Variants in ZXDC observed in about 807,000 individuals in gnomAD.
The protein encoded by ZXDC is zinc finger protein ZXDC.
ZXDC carries 58 observed loss-of-function variants against 63.6 expected under a neutral mutation model. That is an observed-to-expected ratio of 0.91 (90% CI 0.74 to 1.13). The LOEUF is 1.13. ZXDC is among the 50% of genes most tolerant of loss of function. The probability of loss-of-function intolerance (pLI) is 0.00; values close to 1 mark genes in which losing one functional copy is unlikely to be tolerated. For missense variants in ZXDC, 1,133 were observed against 1,148.9 expected, an observed-to-expected ratio of 0.99 and a Z score of 0.20; for synonymous variants, 561 against 496.1, an observed-to-expected ratio of 1.13 and a Z score of -1.74.
chr3:126,459,779 A>T lies in ZXDC; in HGVS notation c.2128-42T>A. The T allele has an allele frequency of 2.5e-6, 4 of 1,614,022 alleles. No individual in the cohort carries two copies. In the South Asian group the frequency reaches 4.4e-5, roughly 18 times the overall value. On this transcript the variant is annotated intron_variant, in intron 6 of 9. Coordinates refer to ENST00000389709, the MANE Select transcript of ZXDC (RefSeq NM_025112.5). ...GCATGTCAGTCACTTATCTAGACAC[A>T]AAGGAAGGGTAGCAAGGGAGCTACA...
At chr3:126,467,056 T>G (rs1216683980) in intron 4 of ZXDC, among the ~76,000 whole-genome samples, 7 of 151,988 alleles carry the variant, frequency 4.6e-5, no homozygotes, top group Non-Finnish European at 8.8e-5. Flanking sequence ...GAACAGCCAG[T>G]TGCTGCAACA....
chr3:126,452,337 T>C (rs1934140519), intron 7 of ZXDC: 2 of 985,334 alleles, frequency 2.0e-6, no homozygotes, highest in South Asian at 4.7e-5. Context: ...TACAATGCTG[T>C]GGGAAGAGTG....
intron 4 of ZXDC, among the ~76,000 whole-genome samples, chr3:126,469,053 C>A (rs1016063944): frequency 3.3e-5 from 5 of 152,230 alleles, no homozygotes; most frequent in African/African-American, 9.6e-5. Flanking sequence ...GCCTTCTCAA[C>A]AACCCTGGGA....
intron 3 of ZXDC, among the ~76,000 whole-genome samples, chr3:126,471,622 GAC>G (rs1189675054): frequency 6.6e-6 from 1 of 151,918 alleles, no homozygotes; most frequent in Non-Finnish European, 1.5e-5. Flanking sequence ...GTGTCACCTG[GAC>G]ACAGTCTCCA....
At chr3:126,444,415 C>T (rs1249049564) in intron 7 of ZXDC, among the ~76,000 whole-genome samples, 1 of 151,952 alleles carries the variant, frequency 6.6e-6, no homozygotes, top group Non-Finnish European at 1.5e-5. Context: ...GCCTGTAGTC[C>T]CAGCTACTCG....
At position 126,461,686 on chromosome 3, in the gene ZXDC, A is replaced by C. The variant is rs201272818; in HGVS notation, c.1976T>G (p.Ile659Ser). 46 of 1,610,260 alleles carry C rather than the reference A, an allele frequency of 2.9e-5. No homozygotes were observed. Among genetic ancestry groups the C allele is most frequent in the Non-Finnish European group, 3.7e-5 (44 of 1,179,474 alleles). ...AGAAGGCGAGTCCGGCTCCACCTTG[A>C]TTGGAGCCAGCAGTTCCGGGACACT... Reference protein sequence around the residue: ...NASVPELLAPIKVEPDSPSRP... With the variant: ...NASVPELLAPSKVEPDSPSRP... Residue 659 changes from isoleucine to serine, a missense_variant, in exon 6 of 10, where the codon ATC (isoleucine) becomes AGC (serine). By Grantham distance (142) the Ile-to-Ser change is moderately radical. Coordinates refer to ENST00000389709, the MANE Select transcript of ZXDC (RefSeq NM_025112.5).
At chr3:126,455,084 G>A in intron 7 of ZXDC, 19 of 985,374 alleles carry the variant, frequency 1.9e-5, no homozygotes, top group Non-Finnish European at 2.2e-5. Context: ...TGCAACTGCT[G>A]TTCTTGGACT....
rs1193367987 is a variant in ZXDC, at chr3:126,440,990, G to C, written c.2394+775C>G. 6 of 985,490 alleles carry C rather than the reference G, an allele frequency of 6.1e-6. No homozygotes were observed. The Admixed American group carries it at 1.8e-4, about 30-fold the overall frequency. 61.0% of individuals were successfully genotyped at this position (985,490 alleles called of 1,614,324 possible). On this transcript the variant is annotated intron_variant, in intron 8 of 9. Coordinates refer to ENST00000389709, the MANE Select transcript of ZXDC (RefSeq NM_025112.5). The stretch of plus-strand genomic sequence containing the variant: ...GCCTGCAACCGCATCCCCTGCCACA[G>C]GGAATCTACAAAGTGGAGTGGTGAA...
At chr3:126,451,698 C>T (rs1302825850) in intron 7 of ZXDC, 9 of 985,288 alleles carry the variant, frequency 9.1e-6, no homozygotes, top group African/African-American at 1.7e-5. Flanking sequence ...GGCTGTGTCT[C>T]GCTCGTTGCC....
At chr3:126,474,315 C>A (rs1935097290) in intron 1 of ZXDC, among the ~76,000 whole-genome samples, 4 of 152,172 alleles carry the variant, frequency 2.6e-5, no homozygotes, top group Admixed American at 2.6e-4. Context: ...CCGCCCGCCT[C>A]GGCCTCCCAA....
rs1225812717 is a variant in ZXDC at position 126,441,525 on chromosome 3, TG to T, written c.2394+239del. The T allele has an allele frequency of 8.3e-5, 107 of 1,283,106 alleles. 1 individual carries two copies. Among genetic ancestry groups the T allele is most frequent in the Admixed American group, 1.6e-4 (4 of 25,792 alleles). The allele number at this position is 1,283,106 out of a possible 1,614,324, so 79.5% of individuals were successfully genotyped here. A position where few individuals can be genotyped will look rare whatever the true frequency, so the allele number is the denominator to read the frequency against. On this transcript the variant is annotated intron_variant, in intron 8 of 9. Coordinates refer to ENST00000389709, the MANE Select transcript of ZXDC (RefSeq NM_025112.5). ...GCTGTGCACAGACAGGTTCAGGAAG[TG>T]GATGCACGGTCCCAGCAACACTCAG...
At position 126,475,714 on chromosome 3, in the gene ZXDC, G is replaced by A. The variant is rs1576700342; in HGVS notation, c.152C>T (p.Pro51Leu). Reference sequence around the variant, plus strand: ...GGAGGCCTCCCCGGGCCGCGCCCCGGGCCCGCCATCTTCAGGGCCCCGCAC... The same window carrying A: ...GGAGGCCTCCCCGGGCCGCGCCCCGAGCCCGCCATCTTCAGGGCCCCGCAC... ...LLVRGPEDGG[P>L]GARPGEASGP... Residue 51 changes from proline to leucine, a missense_variant, in exon 1 of 10, where the codon CCC (proline) becomes CTC (leucine). Physicochemically the swap from Pro to Leu is moderately conservative, Grantham distance 98. Transcript: ENST00000389709. 3.9e-6 allele frequency: 5 copies of A among 1,276,960 alleles called. No homozygotes were observed. The highest frequency in any genetic ancestry group is 4.9e-6 in the Non-Finnish European group (5 of 1,013,132). The allele number at this position is 1,276,960 out of a possible 1,614,324, so 79.1% of individuals were successfully genotyped here. A position where few individuals can be genotyped will look rare whatever the true frequency, so the allele number is the denominator to read the frequency against.
chr3:126,450,989 G>T, intron 7 of ZXDC: 1 of 315,530 alleles, frequency 3.2e-6, no homozygotes, highest in Non-Finnish European at 4.6e-6. Flanking sequence ...CACTTAACCT[G>T]CCTCATCACT....
At chr3:126,440,055 G>A (rs931319479) in intron 8 of ZXDC, 33 of 1,155,826 alleles carry the variant, frequency 2.9e-5, no homozygotes, top group Non-Finnish European at 3.5e-5. Flanking sequence ...GCCCTGGCAC[G>A]CCCTGTACCC....
chr3:126,470,585 A>G (rs1209165036), intron 4 of ZXDC, among the ~76,000 whole-genome samples: 2 of 152,234 alleles, frequency 1.3e-5, no homozygotes, highest in Non-Finnish European at 2.9e-5. Context: ...TCCGAGCTCC[A>G]TGCCAGATGG....
chr3:126,444,344 A>C (rs898268347), intron 7 of ZXDC, among the ~76,000 whole-genome samples: 1 of 152,174 alleles, frequency 6.6e-6, no homozygotes, highest in Admixed American at 6.5e-5. Flanking sequence ...CATCCTGGCT[A>C]ACACGGTGAA....
intron 2 of ZXDC, 40 bp from the exon 3 acceptor site, chr3:126,472,091 T>A: frequency 6.2e-7 from 1 of 1,609,744 alleles, no homozygotes; most frequent in Non-Finnish European, 8.5e-7. Context: ...AATTTACAAC[T>A]CCAACAGCTA....
chr3:126,461,201 T>C, intron 6 of ZXDC: 2 of 1,061,708 alleles, frequency 1.9e-6, no homozygotes, highest in Non-Finnish European at 2.3e-6. Context: ...GGTCATGAGC[T>C]GACAAGCATA....
rs1401962809 is a variant in ZXDC at position 126,452,266 on chromosome 3, T to C, written c.2212+7387A>G. 6 of 985,356 alleles carry C rather than the reference T, an allele frequency of 6.1e-6. No homozygotes were observed. The East Asian group carries it at 5.7e-4, about 93-fold the overall frequency. The allele number at this position is 985,356 out of a possible 1,614,324, so 61.0% of individuals were successfully genotyped here. On this transcript the variant is annotated intron_variant, in intron 7 of 9. Transcript: ENST00000389709. Reference sequence around the variant, plus strand: ...CATTTTCCGTTTTCTTAGACGTTCTTGTCCATAGCTTCTTACACAATTGTC... The same window carrying C: ...CATTTTCCGTTTTCTTAGACGTTCTCGTCCATAGCTTCTTACACAATTGTC...
Sources: gnomAD v4.1 joint callset for allele counts (sites outside exome capture counted in the v4.1 genomes callset) on GRCh38, gnomAD v4.1.1 for gene constraint, MANE v1.5 for transcripts, NCBI Gene and HGNC (gene_info 2026-07-23, HGNC 2026-07-21) for gene names.